LINGO2: variants seen among roughly 807,000 people sequenced by gnomAD.
LINGO2 encodes leucine-rich repeat and immunoglobulin-like domain-containing nogo receptor-interacting protein 2.
Under a neutral mutation model 30.6 loss-of-function variants are expected in LINGO2, and 14 were observed. That is an observed-to-expected ratio of 0.46 (90% CI 0.30 to 0.72). LINGO2 has a LOEUF of 0.72. Among genes scored for constraint, LINGO2 ranks in the 30% least tolerant of loss-of-function variants. The pLI is 0.07. For missense variants in LINGO2, 729 were observed against 751.7 expected (o/e 0.97, Z 0.35); for synonymous variants, 317 against 288.5 (o/e 1.10, Z -1.00).
At chr9:29,059,768 A>G in the LINGO2 span, among the ~76,000 whole-genome samples, 2 of 152,198 alleles carry the variant, frequency 1.3e-5, no homozygotes, top group East Asian at 3.9e-4. Context: ...TATCTAGAAG[A>G]ACATACAAAA....
the LINGO2 span, among the ~76,000 whole-genome samples, chr9:28,893,193 T>G: frequency 5.7e-3 from 869 of 152,084 alleles, 12 homozygotes; most frequent in African/African-American, 0.02. Context: ...AATGTTTCCA[T>G]CTAGTATAAT....
intron 4 of LINGO2, among the ~76,000 whole-genome samples, chr9:28,153,244 G>A (rs1828046706): frequency 6.6e-6 from 1 of 152,114 alleles, no homozygotes; most frequent in South Asian, 2.1e-4. Flanking sequence ...CATAAGTGCA[G>A]AAACGTGTAT....
chr9:29,192,327 G>C, the LINGO2 span, among the ~76,000 whole-genome samples: 1 of 152,120 alleles, frequency 6.6e-6, no homozygotes, highest in Non-Finnish European at 1.5e-5. Context: ...AAGATAACTT[G>C]TAACATACAT....
At chr9:28,933,172 G>T in the LINGO2 span, among the ~76,000 whole-genome samples, 2 of 152,172 alleles carry the variant, frequency 1.3e-5, no homozygotes, top group Admixed American at 1.3e-4. Flanking sequence ...CTCCCAAAGT[G>T]CTGGGATTAC....
the LINGO2 span, among the ~76,000 whole-genome samples, chr9:28,678,338 A>T: frequency 6.6e-6 from 1 of 151,796 alleles, no homozygotes; most frequent in Non-Finnish European, 1.5e-5. Context: ...TCCTCTTTCC[A>T]TTCCTTGCTT....
At chr9:28,641,549 T>A (rs1001125398) in intron 1 of LINGO2, among the ~76,000 whole-genome samples, 2 of 152,140 alleles carry the variant, frequency 1.3e-5, no homozygotes, top group African/African-American at 2.4e-5. Flanking sequence ...AGACCCAACA[T>A]AGATTGAGCA....
chr9:28,632,368 C>G (rs1475258983), intron 1 of LINGO2, among the ~76,000 whole-genome samples: 2 of 151,654 alleles, frequency 1.3e-5, no homozygotes, highest in African/African-American at 4.8e-5. Context: ...AGGGAGAAGC[C>G]AAAGAGTGGG....
chr9:27,980,677 GA>G (rs1409642238), intron 5 of LINGO2, among the ~76,000 whole-genome samples: 1 of 151,868 alleles, frequency 6.6e-6, no homozygotes, highest in African/African-American at 2.4e-5. Flanking sequence ...GGTCCTCAGT[GA>G]GGGGACTGCT....
At chr9:28,068,263 G>A (rs1338567545) in intron 4 of LINGO2, among the ~76,000 whole-genome samples, 1 of 152,078 alleles carries the variant, frequency 6.6e-6, no homozygotes, top group Admixed American at 6.6e-5. Context: ...CAAAGTCCAA[G>A]GCCAAAGTGC....
intron 3 of LINGO2, among the ~76,000 whole-genome samples, chr9:28,327,784 A>G (rs1329880837): frequency 6.6e-6 from 1 of 152,196 alleles, no homozygotes; most frequent in Non-Finnish European, 1.5e-5. Context: ...CAAATCTGTG[A>G]TGATAATGTG....
At chr9:28,233,695 G>C (rs1001263837) in intron 4 of LINGO2, among the ~76,000 whole-genome samples, 1 of 152,134 alleles carries the variant, frequency 6.6e-6, no homozygotes, top group South Asian at 2.1e-4. Flanking sequence ...TCTGTTTAAG[G>C]AGAGGAGAGT....
At chr9:28,269,708 G>A (rs1301375084) in intron 4 of LINGO2, among the ~76,000 whole-genome samples, 2 of 152,074 alleles carry the variant, frequency 1.3e-5, no homozygotes, top group Non-Finnish European at 2.9e-5. Context: ...CACCACAAAA[G>A]ACTTTGCTAG....
intron 1 of LINGO2, among the ~76,000 whole-genome samples, chr9:28,631,197 A>G (rs1483316389): frequency 6.6e-6 from 1 of 151,866 alleles, no homozygotes; most frequent in Non-Finnish European, 1.5e-5. Context: ...TCTAGGGTAC[A>G]TGTGCACAAG....
chr9:29,172,454 A>G, the LINGO2 span, among the ~76,000 whole-genome samples: 7 of 151,988 alleles, frequency 4.6e-5, no homozygotes, highest in Non-Finnish European at 8.8e-5. Context: ...CAGATTAAGT[A>G]ATTTAAAACA....
chr9:28,048,709 A>T (rs116402950), intron 4 of LINGO2, among the ~76,000 whole-genome samples: 2,883 of 151,012 alleles, frequency 0.019, 224 homozygotes, highest in African/African-American at 0.066. Flanking sequence ...AATAGCATAA[A>T]TGTCCAAGAT....
At chr9:27,994,866 G>GA (rs1821578882) in intron 5 of LINGO2, among the ~76,000 whole-genome samples, 5 of 152,118 alleles carry the variant, frequency 3.3e-5, no homozygotes, top group Non-Finnish European at 7.3e-5. Flanking sequence ...ATTCCCTTAA[G>GA]CAGCTTGCAG....
chr9:28,022,514 T>G (rs1587708665), intron 4 of LINGO2, among the ~76,000 whole-genome samples: 1 of 152,222 alleles, frequency 6.6e-6, no homozygotes, highest in Non-Finnish European at 1.5e-5. Flanking sequence ...ATCCCTCAGC[T>G]TTTGCTGGTC....
At chr9:28,775,049 G>A in the LINGO2 span, among the ~76,000 whole-genome samples, 6,625 of 152,038 alleles carry the variant, frequency 0.044, 490 homozygotes, top group African/African-American at 0.15. Flanking sequence ...GAAGGGGAGG[G>A]GAGTGACCAA....
chr9:28,165,030 C>T (rs1457553623), intron 4 of LINGO2, among the ~76,000 whole-genome samples: 2 of 152,196 alleles, frequency 1.3e-5, no homozygotes, highest in Non-Finnish European at 2.9e-5. Context: ...GAAGCACCAA[C>T]CTCATCTCTG....
Sources: allele counts gnomAD v4.1 joint callset (sites outside exome capture counted in the v4.1 genomes callset), GRCh38; gene constraint gnomAD v4.1.1; transcripts MANE v1.5; gene names NCBI Gene and HGNC (gene_info 2026-07-23, HGNC 2026-07-21).